The following SUPT16H variants were observed in gnomAD, a reference collection of about 807,000 sequenced individuals.
The protein encoded by SUPT16H is SPT16 homolog, facilitates chromatin remodeling subunit, also known as FACT complex subunit SPT16.
A neutral mutation model predicts 136.2 loss-of-function variants in SUPT16H; 24 were observed. The ratio of observed to expected loss-of-function variants is 0.18; its 90% confidence interval spans 0.13 to 0.25. The LOEUF (loss-of-function observed/expected upper bound fraction) is 0.25, where lower values mean the gene tolerates loss of function less well. Among genes scored for constraint, SUPT16H ranks in the 10% least tolerant of loss-of-function variants. SUPT16H has a pLI of 1.00. For synonymous variants in SUPT16H, 415 were observed against 428.2 expected (o/e 0.97, Z 0.38); for missense variants, 623 against 1,270.2 (o/e 0.49, Z 7.74).
rs1886737307 is a variant in SUPT16H, at chr14:21,369,265, T to C, written c.721A>G (p.Met241Val). Residue 241 changes from methionine to valine, a missense_variant, in exon 6 of 26, where the codon ATG (methionine) becomes GTG (valine). Physicochemically the swap from Met to Val is conservative, Grantham distance 21 (BLOSUM62 1). This residue lies in a region of SUPT16H where 343 missense variants were observed against 525.7 expected (regional missense o/e 0.65). Coordinates refer to ENST00000216297, the MANE Select transcript of SUPT16H (RefSeq NM_007192.4). ...CTCTGAATGATAGGAGGGTAACACATTTCCACAGTAGAAGGGTCTGCCCCA... is the reference window on the plus strand; with the variant it reads ...CTCTGAATGATAGGAGGGTAACACACTTCCACAGTAGAAGGGTCTGCCCCA... ...LAGADPSTVE[M>V]CYPPIIQSGG... is the part of the protein sequence containing the mutation. 6.2e-7 allele frequency: 1 copy of C among 1,614,194 alleles called. No individual in the cohort carries two copies. The highest frequency in any genetic ancestry group is 8.5e-7 in the Non-Finnish European group (1 of 1,180,012).
chr14:21,368,450 C>A lies in SUPT16H; in HGVS notation c.783-9G>T. ...GCATATGATTCTTGTCACTAGAGAC[C>A]AACAAAGAAAGAAAACATTTCATTA... On this transcript the variant is annotated splice_polypyrimidine_tract_variant and intron_variant, in intron 6 of 25. Transcript: ENST00000216297. 1 of 1,582,582 alleles carries A rather than the reference C, an allele frequency of 6.3e-7. No homozygotes were observed. Among genetic ancestry groups the A allele is most frequent in the Non-Finnish European group, 8.6e-7 (1 of 1,165,098 alleles).
chr14:21,370,468 G>C lies in SUPT16H; in HGVS notation c.351C>G (p.Ser117Arg). The change falls in exon 4 of 26, where the codon AGC (serine) becomes AGG (arginine). Residue 117 changes from serine to arginine, a missense_variant. This residue lies in a region of SUPT16H where 343 missense variants were observed against 525.7 expected (regional missense o/e 0.65). Coordinates refer to ENST00000216297, the MANE Select transcript of SUPT16H (RefSeq NM_007192.4). Reference sequence around the variant, plus strand: ...TAATGGCTTCAATCATTTTGTCAAAGCTACTCTTATTACTTTCATTCTGTC... The same window carrying C: ...TAATGGCTTCAATCATTTTGTCAAACCTACTCTTATTACTTTCATTCTGTC... ...IREKNESNKSSFDKMIEAIKE... is the reference protein window; with the variant it reads ...IREKNESNKSRFDKMIEAIKE... The C allele has an allele frequency of 2.5e-6, 4 of 1,614,020 alleles. No homozygotes were observed. The highest frequency in any genetic ancestry group is 3.4e-6 in the Non-Finnish European group (4 of 1,179,992).
rs1171828582 is a variant in SUPT16H at position 21,351,943 on chromosome 14, T to C, written c.*730A>G. On this transcript the variant is annotated 3_prime_UTR_variant, in exon 26 of 26. Coordinates refer to ENST00000216297, the MANE Select transcript of SUPT16H (RefSeq NM_007192.4). ...TACATGAGGCACAACCTGATATATCTTCCTTAGATATATGAGAAAAAAAAG... is the reference window on the plus strand; with the variant it reads ...TACATGAGGCACAACCTGATATATCCTCCTTAGATATATGAGAAAAAAAAG... The C allele has an allele frequency of 6.5e-6, 1 of 152,682 alleles. No individual in the cohort carries two copies. The highest frequency in any genetic ancestry group is 1.5e-5 in the Non-Finnish European group (1 of 68,238). The allele number at this position is 152,682 out of a possible 1,614,324, so 9.5% of individuals were successfully genotyped here.
rs1381614412 is a variant in SUPT16H at position 21,352,725 on chromosome 14, G to A, written c.3092C>T (p.Ser1031Phe). The change falls in exon 26 of 26, where the codon TCT (serine) becomes TTT (phenylalanine). Residue 1031 changes from serine to phenylalanine, a missense_variant. This residue lies in a region of SUPT16H where 88 missense variants were observed against 135.5 expected (regional missense o/e 0.65). Coordinates refer to ENST00000216297, the MANE Select transcript of SUPT16H (RefSeq NM_007192.4). ...AGAGCTGTGTCTGGAACCACGGTTA[G>A]AGCCACGGCCCGAACTGTGCACAGA... ...KASVHSSGRG[S>F]NRGSRHSSAP... 2.5e-6 allele frequency: 4 copies of A among 1,614,052 alleles called. No individual in the cohort carries two copies. The highest frequency in any genetic ancestry group is 3.4e-6 in the Non-Finnish European group (4 of 1,180,048).
intron 8 of SUPT16H, among the ~76,000 whole-genome samples, chr14:21,365,713 G>A (rs1383515955): frequency 6.6e-6 from 1 of 151,928 alleles, no homozygotes; most frequent in Non-Finnish European, 1.5e-5. Context: ...AAATACATTT[G>A]AGAAATGTAT....
intron 1 of SUPT16H, among the ~76,000 whole-genome samples, chr14:21,379,655 C>A (rs958338506): frequency 6.6e-6 from 1 of 151,874 alleles, no homozygotes; most frequent in Non-Finnish European, 1.5e-5. Context: ...GAGTTTGAGA[C>A]CAGCCTGGGA....
In SUPT16H at chr14:21,353,787, C is replaced by T. The variant is rs750452954; in HGVS notation, c.2836G>A (p.Glu946Lys). ...TCATCTTCTGAAGGATTAAAAGTCT[C>T]ATCTTCAATTTCAGACTCTGAATCC... ...EGDSESEIEDETFNPSEDDYE... is the reference protein window; with the variant it reads ...EGDSESEIEDKTFNPSEDDYE... Residue 946 changes from glutamate (E) to lysine (K), a missense_variant, in exon 24 of 26, where the codon GAG (glutamate) becomes AAG (lysine). Physicochemically the swap from Glu to Lys is moderately conservative, Grantham distance 56 (BLOSUM62 1). Transcript: ENST00000216297. 6.2e-7 allele frequency: 1 copy of T among 1,614,098 alleles called. No homozygotes were observed. The highest frequency in any genetic ancestry group is 1.1e-5 in the South Asian group (1 of 91,074).
intron 1 of SUPT16H, chr14:21,383,493 G>C: frequency 4.9e-6 from 3 of 608,864 alleles, no homozygotes. Context: ...GAATATTGTG[G>C]TTCTGGAGGG....
chr14:21,369,881 C>T lies in SUPT16H; in HGVS notation c.499G>A (p.Val167Ile), dbSNP rs766106280. 3.7e-6 allele frequency: 6 copies of T among 1,614,010 alleles called. No homozygotes were observed. Among genetic ancestry groups the T allele is most frequent in the Non-Finnish European group, 5.1e-6 (6 of 1,180,008 alleles). Residue 167 changes from valine (V) to isoleucine (I), a missense_variant, in exon 5 of 26, where the codon GTT becomes ATT. Physicochemically the swap from Val to Ile is conservative, Grantham distance 29. Around this residue, in one of 7 missense-constraint regions of SUPT16H, gnomAD observed 343 missense variants for 525.7 expected, o/e 0.65. Transcript: ENST00000216297. ...EGFDKIDISA[V>I]VAYTIAVKED... The stretch of plus-strand genomic sequence containing the variant: ...TTTACAGCGATGGTATATGCCACAA[C>T]TGCACTGATATCTATCTGCAGTCAA...
In SUPT16H at chr14:21,370,428, C is replaced by A; in HGVS notation, c.391G>T (p.Gly131Cys). 1 of 1,614,050 alleles carries A rather than the reference C, an allele frequency of 6.2e-7. No individual in the cohort carries two copies. Among genetic ancestry groups the A allele is most frequent in the Non-Finnish European group, 8.5e-7 (1 of 1,180,002 alleles). ...MIEAIKESKN[G>C]KKIGVFSKDK... ...TTGCTGAACACTCCAATCTTCTTGC[C>A]ATTCTTGCTTTCTTTAATGGCTTCA... The change falls in exon 4 of 26, where the codon GGC (glycine) becomes TGC (cysteine). Residue 131 changes from glycine (G) to cysteine (C), a missense_variant. By Grantham distance (159) the Gly-to-Cys change is radical. Around this residue, in one of 7 missense-constraint regions of SUPT16H, gnomAD observed 343 missense variants for 525.7 expected, o/e 0.65. Transcript: ENST00000216297.
rs575686017 is a variant in SUPT16H at position 21,359,422 on chromosome 14, A to C, written c.2301+62T>G. 3.1e-5 allele frequency: 49 copies of C among 1,585,956 alleles called. No homozygotes were observed. In the Admixed American group the frequency reaches 8.4e-4, roughly 27 times the overall value. ...GTTTGTTTATAAAATACAATCCCTG[A>C]GCTTGGATTTGGCCTCATCCTCCCT... On this transcript the variant is annotated intron_variant, in intron 19 of 25. Coordinates refer to ENST00000216297, the MANE Select transcript of SUPT16H (RefSeq NM_007192.4).
intron 1 of SUPT16H, among the ~76,000 whole-genome samples, chr14:21,378,255 CATT>C (rs1256826384): frequency 2.6e-5 from 4 of 151,510 alleles, no homozygotes; most frequent in East Asian, 1.9e-4. Flanking sequence ...AGACTGGTAA[CATT>C]ATAATAGATT....
At chr14:21,380,619 T>G (rs1256427951) in intron 1 of SUPT16H, among the ~76,000 whole-genome samples, 1 of 152,194 alleles carries the variant, frequency 6.6e-6, no homozygotes, top group Non-Finnish European at 1.5e-5. Flanking sequence ...AGTCTTCCAC[T>G]ACCCCAATCC....
chr14:21,356,947 GA>G (rs1886447863), intron 22 of SUPT16H, among the ~76,000 whole-genome samples: 1 of 151,852 alleles, frequency 6.6e-6, no homozygotes, highest in Non-Finnish European at 1.5e-5. Context: ...GGGCAACACT[GA>G]AAACAAAAAA....
chr14:21,372,585 TTCTC>T (rs1176498045), intron 2 of SUPT16H: 1 of 395,204 alleles, frequency 2.5e-6, no homozygotes, highest in Non-Finnish European at 4.9e-6. Flanking sequence ...TCCTGTTTTC[TTCTC>T]TGTCTCTTTT....
At chr14:21,359,400 T>C in intron 19 of SUPT16H, 84 bp downstream of exon 19, 1 of 1,550,874 alleles carries the variant, frequency 6.4e-7, no homozygotes, top group South Asian at 1.2e-5. Context: ...CAGCCCAGTT[T>C]GTTTATAAAA....
At chr14:21,369,414 T>A in intron 5 of SUPT16H, 59 bp from the exon 6 acceptor site, 1 of 1,596,016 alleles carries the variant, frequency 6.3e-7, no homozygotes, top group African/African-American at 1.3e-5. Context: ...GCGGGGTGTG[T>A]GGACACTATG....
Position 21,366,510 on chromosome 14 carries a change from C to A in SUPT16H, c.975G>T (p.Val325=). ...ELRHGVKICD[V]YNAVMDVVKK... Reference sequence around the variant, plus strand: ...TAACCACGTCCATGACAGCGTTATACACGTCACATATCTTCACACCTAATA... The same window carrying A: ...TAACCACGTCCATGACAGCGTTATAAACGTCACATATCTTCACACCTAATA... The change falls in exon 8 of 26, where the codon GTG becomes GTT. Residue 325 remains valine, a synonymous_variant. Coordinates refer to ENST00000216297, the MANE Select transcript of SUPT16H (RefSeq NM_007192.4). 1.2e-6 allele frequency: 2 copies of A among 1,614,028 alleles called. No individual in the cohort carries two copies. Among genetic ancestry groups the A allele is most frequent in the South Asian group, 2.2e-5 (2 of 91,052 alleles).
intron 22 of SUPT16H, among the ~76,000 whole-genome samples, chr14:21,356,036 T>C (rs2139396123): frequency 6.6e-6 from 1 of 152,348 alleles, no homozygotes; most frequent in African/African-American, 2.4e-5. Flanking sequence ...CAGTTTTCTG[T>C]CTAGAGGCAA....
Sources: allele counts gnomAD v4.1 joint callset (sites outside exome capture counted in the v4.1 genomes callset), GRCh38; gene constraint gnomAD v4.1.1; regional missense constraint gnomAD v4.1.1; transcripts MANE v1.5; gene names NCBI Gene and HGNC (gene_info 2026-07-23, HGNC 2026-07-21).